Variants in KDM5D observed in about 807,000 individuals in gnomAD.
KDM5D encodes the protein lysine-specific demethylase 5D.
In KDM5D, 25 loss-of-function variants were observed where a neutral mutation model predicts 31.9. The ratio of observed to expected loss-of-function variants is 0.78; its 90% CI spans 0.57 to 1.09. The LOEUF is 1.09. Among genes scored for constraint, KDM5D ranks in the 50% least tolerant of loss-of-function variants. KDM5D has a pLI of 0.00. For synonymous variants in KDM5D, 146 were observed against 122.3 expected, an observed-to-expected ratio of 1.19 and a Z score of -1.28; for missense variants, 366 against 341.6, an observed-to-expected ratio of 1.07 and a Z score of -0.56.
intron 19 of KDM5D, chrY:19,710,128 C>G: frequency 8.3e-6 from 3 of 362,950 alleles, no homozygotes; most frequent in Non-Finnish European, 1.1e-5. Flanking sequence ...CCACCCCATT[C>G]CCAAGAGCCA....
At chrY:19,733,163 T>C in intron 8 of KDM5D, among the ~76,000 whole-genome samples, 1 of 33,554 alleles carries the variant, frequency 3.0e-5, no homozygotes, top group African/African-American at 1.2e-4. Flanking sequence ...GATTAGATGA[T>C]GAATTATAAA....
chrY:19,708,607 C>T, intron 21 of KDM5D, among the ~76,000 whole-genome samples, 184 bp from the exon 22 acceptor site: 1 of 33,655 alleles, frequency 3.0e-5, no homozygotes, highest in African/African-American at 1.2e-4. Context: ...TTGGCTCAGA[C>T]CAAAAATTCC....
Position 19,743,207 on chromosome Y carries a change from G to A in KDM5D, c.183C>T (p.Asp61=). Residue 61 remains aspartate, a synonymous_variant, in exon 3 of 27, where the codon GAC becomes GAT. Coordinates refer to ENST00000317961, the MANE Select transcript of KDM5D (RefSeq NM_004653.5). Reference sequence around the variant, plus strand: ...GGACGCGAGGAGTAAATCTGAAATTGTCAACTTCTACTGCAAAAGGAGGCT... The same window carrying A: ...GGACGCGAGGAGTAAATCTGAAATTATCAACTTCTACTGCAAAAGGAGGCT... The part of the protein sequence containing the change: ...DWQPPFAVEV[D]NFRFTPRVQR... The A allele has an allele frequency of 2.5e-6, 1 of 392,871 alleles. No individual in the cohort carries two copies. Among genetic ancestry groups the A allele is most frequent in the Non-Finnish European group, 3.6e-6 (1 of 279,348 alleles).
intron 3 of KDM5D, among the ~76,000 whole-genome samples, chrY:19,742,944 T>C (rs2045564001): frequency 2.9e-5 from 1 of 34,048 alleles, no homozygotes; most frequent in African/African-American, 1.1e-4. Flanking sequence ...TCATTCTTCC[T>C]CAGATATTTA....
intron 8 of KDM5D, among the ~76,000 whole-genome samples, chrY:19,734,595 C>A (rs1603546001): frequency 3.0e-5 from 1 of 33,817 alleles, no homozygotes; most frequent in Non-Finnish European, 7.4e-5. Flanking sequence ...GATGACAGCT[C>A]TACCTTGTGT....
chrY:19,741,709 T>A, intron 4 of KDM5D, 26 bp downstream of exon 4: 1 of 384,938 alleles, frequency 2.6e-6, no homozygotes, highest in Non-Finnish European at 3.7e-6. Flanking sequence ...TTTTTGTTTT[T>A]CCTTTAGAAA....
intron 11 of KDM5D, chrY:19,721,577 G>A: frequency 1.2e-5 from 1 of 83,669 alleles, no homozygotes; most frequent in Non-Finnish European, 2.3e-5. Flanking sequence ...AGAAAGTTAT[G>A]TTATCCCTGT....
chrY:19,738,517 A>G (rs2045525094), intron 6 of KDM5D, among the ~76,000 whole-genome samples: 2 of 34,108 alleles, frequency 5.9e-5, no homozygotes, highest in Non-Finnish European at 1.5e-4. Context: ...TCCAAATCTT[A>G]TGAAAATGTT....
rs2045221608 is a variant in KDM5D at position 19,705,756 on chromosome Y, G to C, written c.*239C>G. 8.4e-6 allele frequency: 1 copy of C among 118,553 alleles called. No individual in the cohort carries two copies. Among genetic ancestry groups the C allele is most frequent in the African/African-American group, 9.3e-5 (1 of 10,796 alleles). 29.6% of individuals were successfully genotyped at this position (118,553 alleles called of 400,897 possible). ...CCCTATTCAGACTAGAATGAAACTG[G>C]TTTAGGAAATCACTCCTGTATGCTA... On this transcript the variant is annotated 3_prime_UTR_variant, in exon 27 of 27. Transcript: ENST00000317961.
chrY:19,709,981 C>G, intron 19 of KDM5D, 172 bp from the exon 20 acceptor site: 17 of 346,091 alleles, frequency 4.9e-5, no homozygotes, highest in Non-Finnish European at 6.6e-5. Flanking sequence ...CTCTGTTTAC[C>G]TAGAATGACA....
chrY:19,743,095 T>C, intron 3 of KDM5D, 67 bp downstream of exon 3: 1 of 236,945 alleles, frequency 4.2e-6, no homozygotes, highest in Non-Finnish European at 7.0e-6. Flanking sequence ...TTCTACATTA[T>C]TATGAAACTA....
intron 3 of KDM5D, among the ~76,000 whole-genome samples, chrY:19,742,442 C>A (rs2045559312): frequency 2.9e-5 from 1 of 34,037 alleles, no homozygotes; most frequent in Non-Finnish European, 7.3e-5. Flanking sequence ...TTTATTAAAG[C>A]AGAACATATG....
intron 18 of KDM5D, among the ~76,000 whole-genome samples, chrY:19,712,385 T>C: frequency 3.0e-5 from 1 of 33,648 alleles, no homozygotes; most frequent in Non-Finnish European, 7.4e-5. Flanking sequence ...AGTTGTAAAG[T>C]AGCAACACAT....
At chrY:19,720,287 G>A in intron 13 of KDM5D, among the ~76,000 whole-genome samples, 4 of 33,091 alleles carry the variant, frequency 1.2e-4, no homozygotes, top group South Asian at 6.9e-4. Flanking sequence ...GTCAGGAAAC[G>A]AAGAGGGCCT....
chrY:19,709,008 T>C lies in KDM5D; in HGVS notation c.2948A>G (p.Lys983Arg). ...KAHFCLEARQ[K>R]HPPATLEAII... ...GGCTTCCAATGTGGCTGGTGGATGC[T>C]TCTGCCTAAATTTTTTTTGAAAAAG... The change falls in exon 21 of 27, where the codon AAG (lysine) becomes AGG (arginine). Residue 983 changes from lysine to arginine, a missense_variant. Transcript: ENST00000317961. The C allele has an allele frequency of 2.5e-6, 1 of 397,269 alleles. No homozygotes were observed. Among genetic ancestry groups the C allele is most frequent in the Non-Finnish European group, 3.5e-6 (1 of 282,246 alleles).
chrY:19,739,507 A>G, intron 6 of KDM5D, 21 bp downstream of exon 6: 1 of 390,283 alleles, frequency 2.6e-6, no homozygotes, highest in Non-Finnish European at 3.6e-6. Flanking sequence ...AGGAAGAATA[A>G]CAGGAGTAAC....
At chrY:19,729,706 A>G in intron 11 of KDM5D, among the ~76,000 whole-genome samples, 1 of 33,972 alleles carries the variant, frequency 2.9e-5, no homozygotes, top group Non-Finnish European at 7.3e-5. Flanking sequence ...GGTGTGTCCA[A>G]TAATTTAGCA....
Position 19,735,455 on chromosome Y carries a change from C to T in KDM5D, c.830G>A (p.Gly277Glu). 5.0e-6 allele frequency: 2 copies of T among 398,541 alleles called. No homozygotes were observed. Among genetic ancestry groups the T allele is most frequent in the Non-Finnish European group, 7.1e-6 (2 of 283,328 alleles). Residue 277 changes from glycine to glutamate, a missense_variant, in exon 8 of 27, where the codon GGA (glycine) becomes GAA (glutamate). Physicochemically the swap from Gly to Glu is moderately conservative, Grantham distance 98. Transcript: ENST00000317961. ...PTVTVKDEQSGGGNVSSTLLK... is the reference protein window; with the variant it reads ...PTVTVKDEQSEGGNVSSTLLK... ...CAATGTTGATGACACGTTCCCACCT[C>T]CACTTTGCTCATCCTTCACCGTAAC...
chrY:19,725,004 G>A (rs2045420454), intron 11 of KDM5D, among the ~76,000 whole-genome samples: 2 of 32,858 alleles, frequency 6.1e-5, no homozygotes, highest in African/African-American at 2.4e-4. Flanking sequence ...ACTTACAAGG[G>A]ATATGAAAGA....
Sources: allele counts gnomAD v4.1 joint callset (sites outside exome capture counted in the v4.1 genomes callset), GRCh38; gene constraint gnomAD v4.1.1; transcripts MANE v1.5; gene names NCBI Gene and HGNC (gene_info 2026-07-23, HGNC 2026-07-21).